Variants in CNTNAP5 observed in about 807,000 individuals in gnomAD.
CNTNAP5 encodes contactin-associated protein-like 5.
A neutral mutation model predicts 150.2 loss-of-function variants in CNTNAP5; 72 were observed. The observed-to-expected ratio is 0.48, with a 90% CI of 0.40 to 0.58. The LOEUF is 0.58. Among genes scored for constraint, CNTNAP5 ranks in the 20% least tolerant of loss-of-function variants. The pLI, the probability that CNTNAP5 is intolerant of heterozygous loss-of-function variation, is 0.00. For missense variants in CNTNAP5, 1,636 were observed against 1,626.2 expected (o/e 1.01, Z -0.10); for synonymous variants, 672 against 619.8 (o/e 1.08, Z -1.25).
intron 3 of CNTNAP5, among the ~76,000 whole-genome samples, chr2:124,268,607 C>T (rs115361220): frequency 0.012 from 1,772 of 152,342 alleles, 38 homozygotes; most frequent in African/African-American, 0.041. Flanking sequence ...AACAAGTATA[C>T]TTTCACAGCA....
intron 2 of CNTNAP5, among the ~76,000 whole-genome samples, chr2:124,239,522 G>A (rs772421631): frequency 5.3e-5 from 8 of 152,078 alleles, no homozygotes; most frequent in Non-Finnish European, 1.0e-4. Context: ...TCACATATGA[G>A]TAATAAAATT....
chr2:124,129,509 T>C (rs1004630545), intron 1 of CNTNAP5, among the ~76,000 whole-genome samples: 4 of 149,104 alleles, frequency 2.7e-5, no homozygotes, highest in South Asian at 2.2e-4. Context: ...GAAGATTAAG[T>C]GGGAATAATT....
chr2:124,073,340 C>A (rs573080905), intron 1 of CNTNAP5, among the ~76,000 whole-genome samples: 19 of 152,070 alleles, frequency 1.2e-4, no homozygotes, highest in African/African-American at 4.3e-4. Flanking sequence ...CACAGGGAAC[C>A]AAAGCAAAAA....
intron 13 of CNTNAP5, among the ~76,000 whole-genome samples, chr2:124,743,131 G>T (rs879467519): frequency 3.3e-5 from 5 of 152,112 alleles, no homozygotes; most frequent in Non-Finnish European, 7.4e-5. Flanking sequence ...AAGCAAAATT[G>T]TGGAACCTCC....
intron 3 of CNTNAP5, among the ~76,000 whole-genome samples, chr2:124,321,325 C>T (rs941912289): frequency 1.3e-5 from 2 of 152,026 alleles, no homozygotes; most frequent in Admixed American, 1.3e-4. Flanking sequence ...TATCTGTAAT[C>T]CCACCTACTA....
At chr2:124,546,143 A>G (rs1695506220) in intron 10 of CNTNAP5, among the ~76,000 whole-genome samples, 1 of 152,156 alleles carries the variant, frequency 6.6e-6, no homozygotes, top group Non-Finnish European at 1.5e-5. Context: ...CCTGTGGATC[A>G]GTCCTTTAGA....
intron 11 of CNTNAP5, among the ~76,000 whole-genome samples, chr2:124,607,107 T>C (rs1677248672): frequency 6.6e-6 from 1 of 152,190 alleles, no homozygotes; most frequent in Non-Finnish European, 1.5e-5. Context: ...CAATTTATAC[T>C]TCGAGAGTTG....
chr2:124,847,717 C>G (rs1343304713), intron 19 of CNTNAP5, among the ~76,000 whole-genome samples: 1 of 152,152 alleles, frequency 6.6e-6, no homozygotes. Flanking sequence ...CTCTGTCCAT[C>G]CAAGTGGCGG....
At chr2:124,357,590 C>A (rs1451606558) in intron 3 of CNTNAP5, among the ~76,000 whole-genome samples, 1 of 149,632 alleles carries the variant, frequency 6.7e-6, no homozygotes, top group African/African-American at 2.5e-5. Flanking sequence ...TTGTTTTTCT[C>A]AGGTTTGTCA....
intron 16 of CNTNAP5, among the ~76,000 whole-genome samples, chr2:124,769,846 A>G (rs1307990960): frequency 2.0e-5 from 3 of 152,088 alleles, no homozygotes; most frequent in South Asian, 2.1e-4. Context: ...ACAGCTTACT[A>G]CCTGTACCTT....
chr2:124,798,667 G>T (rs1484051297), intron 19 of CNTNAP5, among the ~76,000 whole-genome samples: 1 of 152,118 alleles, frequency 6.6e-6, no homozygotes, highest in Non-Finnish European at 1.5e-5. Context: ...CATGTATTTT[G>T]TCATCTTTGC....
At chr2:124,378,697 T>TA (rs1398570868) in intron 3 of CNTNAP5, among the ~76,000 whole-genome samples, 5 of 152,136 alleles carry the variant, frequency 3.3e-5, no homozygotes, top group Non-Finnish European at 5.9e-5. Context: ...TGAGAATATT[T>TA]ATGGGATGTC....
At chr2:124,061,141 C>T (rs895290603) in intron 1 of CNTNAP5, among the ~76,000 whole-genome samples, 1 of 152,092 alleles carries the variant, frequency 6.6e-6, no homozygotes, top group Non-Finnish European at 1.5e-5. Context: ...TCAGCCATAA[C>T]ACATCATGAG....
intron 22 of CNTNAP5, 95 bp downstream of exon 22, chr2:124,903,195 C>A: frequency 1.4e-6 from 1 of 731,812 alleles, no homozygotes; most frequent in Non-Finnish European, 2.1e-6. Context: ...GCTAATGTGA[C>A]TCAGTTTTTA....
intron 19 of CNTNAP5, among the ~76,000 whole-genome samples, chr2:124,846,535 T>C (rs1051609277): frequency 1.3e-5 from 2 of 152,222 alleles, no homozygotes; most frequent in African/African-American, 4.8e-5. Context: ...CCTCCTTGAT[T>C]AGCTTAAAAA....
chr2:124,372,535 G>C (rs1013082473), intron 3 of CNTNAP5, among the ~76,000 whole-genome samples: 46 of 152,140 alleles, frequency 3.0e-4, no homozygotes, highest in African/African-American at 1.1e-3. Context: ...CAAGACCTAG[G>C]AACCAACTTG....
intron 8 of CNTNAP5, among the ~76,000 whole-genome samples, chr2:124,514,610 G>A (rs1296062877): frequency 6.6e-6 from 1 of 152,162 alleles, no homozygotes; most frequent in Non-Finnish European, 1.5e-5. Flanking sequence ...CAGTAAAGAG[G>A]CATTAATGAA....
intron 3 of CNTNAP5, among the ~76,000 whole-genome samples, chr2:124,295,578 T>G (rs1381155265): frequency 6.6e-6 from 1 of 152,256 alleles, no homozygotes; most frequent in Non-Finnish European, 1.5e-5. Flanking sequence ...ATGTTGTTTC[T>G]GTGTGATACA....
At chr2:124,387,219 G>A (rs1032698776) in intron 3 of CNTNAP5, among the ~76,000 whole-genome samples, 2 of 152,226 alleles carry the variant, frequency 1.3e-5, no homozygotes, top group Non-Finnish European at 2.9e-5. Context: ...TACAGAGTCC[G>A]ACTAGAATGT....
Sources: gnomAD v4.1 joint callset for allele counts (sites outside exome capture counted in the v4.1 genomes callset) on GRCh38, gnomAD v4.1.1 for gene constraint, MANE v1.5 for transcripts, NCBI Gene and HGNC (gene_info 2026-07-23, HGNC 2026-07-21) for gene names.